AAK1: variants seen among roughly 807,000 people sequenced by gnomAD.
The protein encoded by AAK1 is AP2 associated kinase 1, also known as AP2-associated protein kinase 1.
AAK1 carries 37 observed loss-of-function variants against 116.0 expected under a neutral mutation model. The ratio of observed to expected loss-of-function variants is 0.32; its 90% confidence interval spans 0.25 to 0.42. The LOEUF (loss-of-function observed/expected upper bound fraction) is 0.42, where lower values mean the gene tolerates loss of function less well. AAK1 is among the 10% of genes least tolerant of loss of function. The probability of loss-of-function intolerance (pLI) is 1.00; values close to 1 mark genes in which losing one functional copy is unlikely to be tolerated. For missense variants in AAK1, 919 were observed against 1,170.6 expected, an observed-to-expected ratio of 0.79 and a Z score of 3.14; for synonymous variants, 458 against 439.9, an observed-to-expected ratio of 1.04 and a Z score of -0.51.
intron 16 of AAK1, 22 bp from the exon 17 acceptor site, chr2:69,496,102 A>G: frequency 6.6e-7 from 1 of 1,514,844 alleles, no homozygotes; most frequent in Non-Finnish European, 9.0e-7. Context: ...TTGGAGGGGA[A>G]GGAGGAGTCA....
chr2:69,488,149 CGTGTGTGTGTGTGTGT>C (rs58575925), intron 17 of AAK1, among the ~76,000 whole-genome samples: 5 of 144,654 alleles, frequency 3.5e-5, no homozygotes, highest in Non-Finnish European at 7.6e-5. Context: ...TGTGTGTGGA[CGTGTGTGTGTGTGTGT>C]GTGTGTGTGT....
chr2:69,604,213 C>G (rs1673699236), intron 2 of AAK1, among the ~76,000 whole-genome samples: 2 of 152,206 alleles, frequency 1.3e-5, no homozygotes, highest in Admixed American at 1.3e-4. Flanking sequence ...AAAAATTAAT[C>G]AGGCTGGCCA....
chr2:69,603,633 A>G (rs1178343310), intron 2 of AAK1, among the ~76,000 whole-genome samples: 1 of 152,202 alleles, frequency 6.6e-6, no homozygotes. Flanking sequence ...GGCTCTGTGT[A>G]GAAAGATAAG....
At chr2:69,505,141 AC>A (rs1558917383) in intron 16 of AAK1, among the ~76,000 whole-genome samples, 1 of 151,984 alleles carries the variant, frequency 6.6e-6, no homozygotes, top group Admixed American at 6.6e-5. Flanking sequence ...ACACCCACAC[AC>A]ACACACACAC....
chr2:69,563,329 T>C (rs954910036), intron 2 of AAK1, among the ~76,000 whole-genome samples: 4 of 152,062 alleles, frequency 2.6e-5, no homozygotes, highest in Non-Finnish European at 4.4e-5. Context: ...ACCAAAGTGA[T>C]TATCTGAGAA....
At chr2:69,606,922 C>T (rs1423084451) in intron 2 of AAK1, among the ~76,000 whole-genome samples, 1 of 151,698 alleles carries the variant, frequency 6.6e-6, no homozygotes, top group Non-Finnish European at 1.5e-5. Flanking sequence ...AGAAATTAGC[C>T]GGGCGTGGTG....
chr2:69,533,955 A>G (rs374128057), intron 5 of AAK1, among the ~76,000 whole-genome samples: 19 of 152,348 alleles, frequency 1.2e-4, no homozygotes, highest in African/African-American at 4.6e-4. Flanking sequence ...AGTTTAATCT[A>G]TTTACACAAA....
chr2:69,505,443 T>C (rs745819229), intron 16 of AAK1, 126 bp downstream of exon 16: 3 of 486,742 alleles, frequency 6.2e-6, no homozygotes, highest in East Asian at 3.7e-5. Flanking sequence ...GAAAAACATA[T>C]ATATATATAT....
rs1251900658 is a variant in AAK1 at position 69,463,349 on chromosome 2, C to T, written c.*12520G>A. The T allele has an allele frequency of 6.6e-6, 1 of 152,032 alleles. No individual in the cohort carries two copies. The highest frequency in any genetic ancestry group is 2.4e-5 in the African/African-American group (1 of 41,412). The allele number at this position is 152,032 out of a possible 1,614,324, so 9.4% of individuals were successfully genotyped here. On this transcript the variant is annotated 3_prime_UTR_variant, in exon 22 of 22. Coordinates refer to ENST00000409085, the MANE Select transcript of AAK1 (RefSeq NM_014911.5). ...AGAAATCTTCCCATTGAGATACAGG[C>T]TTTATTTTTATTATTATATTTTTGG...
rs76589829 is a variant in AAK1 at position 69,619,808 on chromosome 2, T to C, written c.163+23070A>G. ...AGAGGCCTGAGCAGGGAGGTGCGAA[T>C]CTGCCCTGCTTTAAGAAACCACAGG... On this transcript the variant is annotated intron_variant, in intron 2 of 21. Transcript: ENST00000409085. Among the ~76,000 whole-genome samples the C allele has an allele frequency of 1.8e-3, 267 of 152,194 alleles. 2 individuals are homozygous for C. Among genetic ancestry groups the C allele is most frequent in the African/African-American group, 6.2e-3 (259 of 41,486 alleles).
Position 69,464,616 on chromosome 2 carries a change from C to G in AAK1, c.*11253G>C, listed in dbSNP as rs1674430401. The stretch of plus-strand genomic sequence containing the variant: ...AGGTAGGCATGATGGGGCAGGATTT[C>G]CCTCAAGTGGAAATGCTTCCTGTGC... On this transcript the variant is annotated 3_prime_UTR_variant, in exon 22 of 22. Transcript: ENST00000409085. 1 of 152,548 alleles carries G rather than the reference C, an allele frequency of 6.6e-6. No homozygotes were observed. The highest frequency in any genetic ancestry group is 2.4e-5 in the African/African-American group (1 of 41,422). 9.4% of individuals were successfully genotyped at this position (152,548 alleles called of 1,614,324 possible).
At chr2:69,499,457 A>G (rs1234516322) in intron 16 of AAK1, among the ~76,000 whole-genome samples, 1 of 152,166 alleles carries the variant, frequency 6.6e-6, no homozygotes, top group Non-Finnish European at 1.5e-5. Flanking sequence ...AGTTCTTCGC[A>G]ACTTGATTCT....
rs1320432084 is a variant in AAK1, at chr2:69,470,161, T to C, written c.*5708A>G. 5 of 985,318 alleles carry C rather than the reference T, an allele frequency of 5.1e-6. No individual in the cohort carries two copies. Among genetic ancestry groups the C allele is most frequent in the Non-Finnish European group, 6.0e-6 (5 of 829,932 alleles). 61.0% of individuals were successfully genotyped at this position (985,318 alleles called of 1,614,324 possible). A position where few individuals can be genotyped will look rare whatever the true frequency, so the allele number is the denominator to read the frequency against. On this transcript the variant is annotated 3_prime_UTR_variant, in exon 22 of 22. Transcript: ENST00000409085. ...ACATCACACAACACCAGAAGTTTAC[T>C]TTTCCTCATACCAAAAACTGAAAGA...
At chr2:69,577,685 T>TG (rs1488899941) in intron 2 of AAK1, among the ~76,000 whole-genome samples, 1 of 152,204 alleles carries the variant, frequency 6.6e-6, no homozygotes, top group Non-Finnish European at 1.5e-5. Flanking sequence ...CCTTTGTACT[T>TG]GCCTCAACAG....
intron 2 of AAK1, among the ~76,000 whole-genome samples, chr2:69,640,080 C>CTCTCTCT (rs1491472917): frequency 4.7e-5 from 6 of 128,594 alleles, no homozygotes; most frequent in East Asian, 5.2e-4. Context: ...CTCTCTCTCT[C>CTCTCTCT]CCCCCCCACA....
At chr2:69,495,897 T>C (rs1675719417) in intron 17 of AAK1, 88 bp downstream of exon 17, 3 of 1,066,716 alleles carry the variant, frequency 2.8e-6, no homozygotes, top group Admixed American at 5.4e-5. Flanking sequence ...TCAGATCCTT[T>C]TCACGGGGTA....
In AAK1 at chr2:69,469,820, T is replaced by G. The variant is rs571074976; in HGVS notation, c.*6049A>C. On this transcript the variant is annotated 3_prime_UTR_variant, in exon 22 of 22. Coordinates refer to ENST00000409085, the MANE Select transcript of AAK1 (RefSeq NM_014911.5). ...TTTCTTGCTCTGATGTAGGACTGTG[T>G]GCCAGGTTAGGCACGTTGACACTTT... 4 of 985,364 alleles carry G rather than the reference T, an allele frequency of 4.1e-6. No individual in the cohort carries two copies. The highest frequency in any genetic ancestry group is 4.8e-6 in the Non-Finnish European group (4 of 829,944). 61.0% of individuals were successfully genotyped at this position (985,364 alleles called of 1,614,324 possible).
At chr2:69,504,255 G>A (rs1676089592) in intron 16 of AAK1, among the ~76,000 whole-genome samples, 1 of 151,744 alleles carries the variant, frequency 6.6e-6, no homozygotes. Flanking sequence ...ACATTAGCCG[G>A]CCATAGTGGC....
chr2:69,620,523 T>C (rs1219856340), intron 2 of AAK1, among the ~76,000 whole-genome samples: 1 of 152,206 alleles, frequency 6.6e-6, no homozygotes, highest in Non-Finnish European at 1.5e-5. Flanking sequence ...TAATCTATAA[T>C]TCCGTTTCCA....
Sources: gnomAD v4.1 joint callset for allele counts (sites outside exome capture counted in the v4.1 genomes callset) on GRCh38, gnomAD v4.1.1 for gene constraint, MANE v1.5 for transcripts, NCBI Gene and HGNC (gene_info 2026-07-23, HGNC 2026-07-21) for gene names.